The following IQGAP2 variants were observed in gnomAD, a reference collection of about 807,000 sequenced individuals.
IQGAP2 encodes ras GTPase-activating-like protein IQGAP2.
In IQGAP2, 173 loss-of-function variants were observed where a neutral mutation model predicts 201.3. That is an observed-to-expected ratio of 0.86 (90% CI 0.76 to 0.98). IQGAP2 has a LOEUF of 0.98. IQGAP2 is among the 50% of genes least tolerant of loss of function. The probability of loss-of-function intolerance (pLI) is 0.00; values close to 1 mark genes in which losing one functional copy is unlikely to be tolerated. For synonymous variants in IQGAP2, 675 were observed against 673.9 expected (o/e 1.00, Z -0.03); for missense variants, 1,687 against 1,864.8 (o/e 0.90, Z 1.76).
At chr5:76,406,930 A>G (rs575995278) in intron 1 of IQGAP2, among the ~76,000 whole-genome samples, 1 of 152,260 alleles carries the variant, frequency 6.6e-6, no homozygotes, top group African/African-American at 2.4e-5. Context: ...TAAGTCCAGC[A>G]TGTTGTGGGG....
intron 2 of IQGAP2, among the ~76,000 whole-genome samples, chr5:76,558,570 A>G (rs946226265): frequency 2.6e-5 from 4 of 152,142 alleles, no homozygotes; most frequent in East Asian, 1.9e-4. Flanking sequence ...TAGCAAGTCC[A>G]TGGTATTCTT....
At chr5:76,438,019 T>TTG (rs1752805591) in intron 1 of IQGAP2, among the ~76,000 whole-genome samples, 1 of 118,152 alleles carries the variant, frequency 8.5e-6, no homozygotes, top group Non-Finnish European at 1.7e-5. Flanking sequence ...TTTTTTTTTT[T>TTG]TTTTTTTTTT....
intron 2 of IQGAP2, among the ~76,000 whole-genome samples, chr5:76,467,031 G>A (rs558993332): frequency 3.3e-5 from 5 of 152,256 alleles, no homozygotes; most frequent in Middle Eastern, 3.4e-3. Context: ...CCAGCAGATC[G>A]CTTGAGCCCA....
chr5:76,576,158 G>A (rs866923127), intron 5 of IQGAP2, among the ~76,000 whole-genome samples: 12 of 152,110 alleles, frequency 7.9e-5, no homozygotes, highest in Non-Finnish European at 1.5e-4. Context: ...CATAATTTTG[G>A]TTTAATGAGT....
At chr5:76,457,499 G>T (rs10474476) in intron 1 of IQGAP2, among the ~76,000 whole-genome samples, 32,547 of 151,970 alleles carry the variant, frequency 0.21, 3,701 homozygotes, top group Middle Eastern at 0.29. Flanking sequence ...TCATCACTTT[G>T]TGTTCCATCT....
intron 13 of IQGAP2, among the ~76,000 whole-genome samples, chr5:76,624,942 C>T (rs902749179): frequency 6.6e-6 from 1 of 152,036 alleles, no homozygotes; most frequent in Admixed American, 6.6e-5. Flanking sequence ...AGCGTGGTGG[C>T]GGGCGCCTGT....
intron 5 of IQGAP2, among the ~76,000 whole-genome samples, chr5:76,579,517 A>G (rs1208983358): frequency 1.3e-5 from 2 of 149,848 alleles, no homozygotes; most frequent in African/African-American, 4.9e-5. Flanking sequence ...TCTGGTCCCC[A>G]CCCCTGCCCC....
intron 1 of IQGAP2, among the ~76,000 whole-genome samples, chr5:76,434,404 C>T (rs1443722656): frequency 2.6e-5 from 4 of 152,036 alleles, no homozygotes; most frequent in Non-Finnish European, 5.9e-5. Context: ...CTTTGCATAC[C>T]CATAGCTTAG....
intron 13 of IQGAP2, among the ~76,000 whole-genome samples, chr5:76,615,278 T>A (rs1748838227): frequency 6.6e-6 from 1 of 152,228 alleles, no homozygotes; most frequent in Non-Finnish European, 1.5e-5. Context: ...GTGTTGTAAT[T>A]GATGACTTAG....
intron 2 of IQGAP2, among the ~76,000 whole-genome samples, chr5:76,524,990 T>A (rs1200630201): frequency 6.6e-6 from 1 of 152,236 alleles, no homozygotes; most frequent in Non-Finnish European, 1.5e-5. Flanking sequence ...TCTGTCTTAT[T>A]TTCATTGAGG....
At chr5:76,551,020 C>G (rs1464824944) in intron 2 of IQGAP2, among the ~76,000 whole-genome samples, 2 of 150,830 alleles carry the variant, frequency 1.3e-5, no homozygotes, top group Admixed American at 1.3e-4. Context: ...GGGTGGCTGG[C>G]CGGGCAGAGA....
intron 5 of IQGAP2, among the ~76,000 whole-genome samples, chr5:76,587,771 G>A (rs539933283): frequency 2.0e-5 from 3 of 151,688 alleles, no homozygotes; most frequent in East Asian, 1.9e-4. Context: ...GTGAAACCCC[G>A]TCTCTACTAA....
rs192959466 is a variant in IQGAP2, at chr5:76,553,084, C to G, written c.147-9312C>G. 2.0e-5 allele frequency among the ~76,000 whole-genome samples: 3 copies of G among 152,194 alleles called. No individual in the cohort carries two copies. The South Asian group carries it at 6.2e-4, about 31-fold the overall frequency. On this transcript the variant is annotated intron_variant, in intron 2 of 35. Transcript: ENST00000274364. ...TTTAGTTTTGCAGGGTGGGTTCCTA[C>G]AGCCACGTTCCCCTGGGCTAATAAG...
chr5:76,506,956 A>G (rs1418754547), intron 2 of IQGAP2, among the ~76,000 whole-genome samples: 1 of 152,226 alleles, frequency 6.6e-6, no homozygotes, highest in African/African-American at 2.4e-5. Context: ...CTTGATCTAT[A>G]GGTCCAAAGC....
At position 76,405,668 on chromosome 5, in the gene IQGAP2, T is replaced by G. The variant is rs1184718423; in HGVS notation, c.46+2077T>G. On this transcript the variant is annotated intron_variant, in intron 1 of 35. Transcript: ENST00000274364. Reference sequence around the variant, plus strand: ...GGCATTACCTAACATTACCTATTCATGCAGAAGAGGGCTATTTGGTGTGTT... The same window carrying G: ...GGCATTACCTAACATTACCTATTCAGGCAGAAGAGGGCTATTTGGTGTGTT... Among the ~76,000 whole-genome samples, 3 of 152,182 alleles carry G rather than the reference T, an allele frequency of 2.0e-5. No individual in the cohort carries two copies. In the East Asian group the frequency reaches 5.8e-4, roughly 29 times the overall value.
At chr5:76,475,549 A>G (rs2150139215) in intron 2 of IQGAP2, among the ~76,000 whole-genome samples, 1 of 152,336 alleles carries the variant, frequency 6.6e-6, no homozygotes, top group South Asian at 2.1e-4. Context: ...ACCAGGGGAA[A>G]GAATTGTTTT....
chr5:76,523,465 A>C (rs1758805489), intron 2 of IQGAP2, among the ~76,000 whole-genome samples: 1 of 152,102 alleles, frequency 6.6e-6, no homozygotes, highest in Non-Finnish European at 1.5e-5. Context: ...AATTTTTGCT[A>C]CCTGGGTTGA....
rs1748044424 is a variant in IQGAP2 at position 76,707,877 on chromosome 5, T to C, written c.*564T>C. ...CACTTTCTGTATAAAAGTATATATT[T>C]TATGTGATTTATTCCTACTAAATGA... is the stretch of plus-strand genomic sequence containing the variant. On this transcript the variant is annotated 3_prime_UTR_variant, in exon 36 of 36. Coordinates refer to ENST00000274364, the MANE Select transcript of IQGAP2 (RefSeq NM_006633.5). 1 of 152,732 alleles carries C rather than the reference T, an allele frequency of 6.5e-6. No individual in the cohort carries two copies. The highest frequency in any genetic ancestry group is 6.5e-5 in the Admixed American group (1 of 15,284). 9.5% of individuals were successfully genotyped at this position (152,732 alleles called of 1,614,324 possible). A position where few individuals can be genotyped will look rare whatever the true frequency, so the allele number is the denominator to read the frequency against.
chr5:76,644,609 C>T (rs1337211785), intron 17 of IQGAP2, among the ~76,000 whole-genome samples: 1 of 151,956 alleles, frequency 6.6e-6, no homozygotes, highest in Non-Finnish European at 1.5e-5. Flanking sequence ...CTGTAAATCC[C>T]ATCTGTCTGT....
Sources: gnomAD v4.1 joint callset for allele counts (sites outside exome capture counted in the v4.1 genomes callset) on GRCh38, gnomAD v4.1.1 for gene constraint, MANE v1.5 for transcripts, NCBI Gene and HGNC (gene_info 2026-07-23, HGNC 2026-07-21) for gene names.